MARCHF6: variants seen among roughly 807,000 people sequenced by gnomAD.
The protein encoded by MARCHF6 is membrane associated ring-CH-type finger 6.
In MARCHF6, 31 loss-of-function variants were observed where a neutral mutation model predicts 133.7. That is an observed-to-expected ratio of 0.23 (90% CI 0.17 to 0.31). The LOEUF (loss-of-function observed/expected upper bound fraction) is 0.31. Among genes scored for constraint, MARCHF6 ranks in the 10% least tolerant of loss-of-function variants. The pLI is 1.00. For synonymous variants in MARCHF6, 395 were observed against 402.5 expected, an observed-to-expected ratio of 0.98 and a Z score of 0.22; for missense variants, 723 against 1,121.6, an observed-to-expected ratio of 0.64 and a Z score of 5.08.
chr5:10,377,194 T>A (rs1215578245), intron 1 of MARCHF6, among the ~76,000 whole-genome samples: 3 of 152,110 alleles, frequency 2.0e-5, no homozygotes, highest in African/African-American at 7.2e-5. Flanking sequence ...TCCCTTCTGC[T>A]TAAGGTGGCT....
chr5:10,417,880 A>G lies in MARCHF6; in HGVS notation c.2283+476A>G, dbSNP rs183596394. Among the ~76,000 whole-genome samples, 237 of 152,226 alleles carry G rather than the reference A, an allele frequency of 1.6e-3. 2 individuals carry two copies. The highest frequency in any genetic ancestry group is 5.4e-3 in the African/African-American group (224 of 41,550). ...TAATCTTTCAGAATATGCAGGTCTTATAACTCCTTTAAAAGTGCTTACTTT... is the reference window on the plus strand; with the variant it reads ...TAATCTTTCAGAATATGCAGGTCTTGTAACTCCTTTAAAAGTGCTTACTTT... On this transcript the variant is annotated intron_variant, in intron 22 of 25. Transcript: ENST00000274140.
chr5:10,394,813 T>G (rs754818333), intron 9 of MARCHF6, 28 bp downstream of exon 9: 2 of 1,486,608 alleles, frequency 1.3e-6, no homozygotes, highest in Non-Finnish European at 1.8e-6. Flanking sequence ...TTTTTTTTTT[T>G]TTTTGAGACG....
chr5:10,426,744 A>C (rs1280752846), intron 24 of MARCHF6, among the ~76,000 whole-genome samples: 1 of 152,260 alleles, frequency 6.6e-6, no homozygotes, highest in Non-Finnish European at 1.5e-5. Flanking sequence ...CTCTACCAGA[A>C]GATAAAACTT....
chr5:10,387,092 T>A, intron 5 of MARCHF6, 26 bp downstream of exon 5: 3 of 1,526,244 alleles, frequency 2.0e-6, no homozygotes, highest in Non-Finnish European at 2.7e-6. Context: ...CTGTGACGAA[T>A]GTTGCATGAT....
At position 10,354,940 on chromosome 5, in the gene MARCHF6, AT is replaced by A. The variant is rs112088802; in HGVS notation, c.19+1032del. 8.4e-3 allele frequency among the ~76,000 whole-genome samples: 1,278 copies of A among 151,742 alleles called. 16 individuals are homozygous for A. The highest frequency in any genetic ancestry group is 0.029 in the African/African-American group (1,219 of 41,354). On this transcript the variant is annotated intron_variant, in intron 1 of 25. Transcript: ENST00000274140. ...CTATGTAATGAGTTGATAACGACTTATTTTTTTTTAAAGAAGTCTTGCCTTT... is the reference window on the plus strand; with the variant it reads ...CTATGTAATGAGTTGATAACGACTTATTTTTTTTAAAGAAGTCTTGCCTTT...
intron 24 of MARCHF6, 67 bp downstream of exon 24, chr5:10,426,589 CT>C: frequency 1.3e-6 from 2 of 1,528,668 alleles, no homozygotes; most frequent in South Asian, 2.4e-5. Context: ...CTCTTTACCC[CT>C]AGTAAAAAGG....
chr5:10,426,376 T>C lies in MARCHF6; in HGVS notation c.2374-14T>C. On this transcript the variant is annotated splice_polypyrimidine_tract_variant and intron_variant, in intron 23 of 25. Transcript: ENST00000274140. Reference sequence around the variant, plus strand: ...CTTGTATCTTTGTTCTAATTGCTTTTTGTAATGTTTCAGGTTTACGCAAAT... The same window carrying C: ...CTTGTATCTTTGTTCTAATTGCTTTCTGTAATGTTTCAGGTTTACGCAAAT... 1 of 1,612,156 alleles carries C rather than the reference T, an allele frequency of 6.2e-7. No individual in the cohort carries two copies. The highest frequency in any genetic ancestry group is 1.3e-5 in the African/African-American group (1 of 74,936).
chr5:10,376,324 C>T (rs761619829), intron 1 of MARCHF6, among the ~76,000 whole-genome samples: 13 of 152,244 alleles, frequency 8.5e-5, no homozygotes, highest in Middle Eastern at 3.4e-3. Flanking sequence ...AGCTGTAACA[C>T]TCACCGCGAG....
chr5:10,415,061 A>C (rs946896601), intron 20 of MARCHF6, among the ~76,000 whole-genome samples: 1 of 152,262 alleles, frequency 6.6e-6, no homozygotes, highest in African/African-American at 2.4e-5. Context: ...ATTGGAAGAT[A>C]GTTACTCTAA....
At position 10,426,444 on chromosome 5, in the gene MARCHF6, G is replaced by A. The variant is rs745834402; in HGVS notation, c.2428G>A (p.Ala810Thr). 2.5e-6 allele frequency: 4 copies of A among 1,614,132 alleles called. No homozygotes were observed. Among genetic ancestry groups the A allele is most frequent in the Non-Finnish European group, 8.5e-7 (1 of 1,180,018 alleles). ...IDLHYIVRKL[A>T]APVISVLLLS... Reference sequence around the variant, plus strand: ...CCTTCACTATATTGTTCGTAAACTGGCAGCTCCCGTGATCTCTGTGCTGTT... The same window carrying A: ...CCTTCACTATATTGTTCGTAAACTGACAGCTCCCGTGATCTCTGTGCTGTT... The change falls in exon 24 of 26, where the codon GCA becomes ACA. Residue 810 changes from alanine to threonine, a missense_variant. Physicochemically the swap from Ala to Thr is moderately conservative, Grantham distance 58. Transcript: ENST00000274140.
At chr5:10,384,738 A>G (rs764113309) in intron 4 of MARCHF6, among the ~76,000 whole-genome samples, 25 of 152,228 alleles carry the variant, frequency 1.6e-4, no homozygotes, top group Non-Finnish European at 3.1e-4. Context: ...GAACACGTAT[A>G]CAGTGATCAA....
intron 16 of MARCHF6, among the ~76,000 whole-genome samples, chr5:10,406,393 CTTTT>C (rs879432928): frequency 7.0e-6 from 1 of 142,170 alleles, no homozygotes. Flanking sequence ...TAATTTCTTT[CTTTT>C]TTTTTTTTTT....
chr5:10,364,619 C>T (rs1736021572), intron 1 of MARCHF6, among the ~76,000 whole-genome samples: 2 of 152,172 alleles, frequency 1.3e-5, no homozygotes, highest in South Asian at 2.1e-4. Flanking sequence ...TAGCTCATTA[C>T]TGCTGAAATT....
chr5:10,406,348 TC>T (rs1738886972), intron 16 of MARCHF6, among the ~76,000 whole-genome samples: 1 of 152,082 alleles, frequency 6.6e-6, no homozygotes, highest in African/African-American at 2.4e-5. Flanking sequence ...TGTCAAAGTT[TC>T]CCCACCCAGA....
chr5:10,371,819 G>A (rs1023114032), intron 1 of MARCHF6, among the ~76,000 whole-genome samples: 1 of 151,990 alleles, frequency 6.6e-6, no homozygotes, highest in Non-Finnish European at 1.5e-5. Flanking sequence ...AAAGTTTCTA[G>A]TACATTATAC....
rs753629737 is a variant in MARCHF6, at chr5:10,391,568, A to G, written c.603A>G (p.Glu201=). The part of the protein sequence containing the change: ...NEAPAGGNGA[E]NVAADQPANP... ...CTCCAGCAGGAGGAAATGGTGCAGAAAATGTTGCTGCTGATCAGCCTGCTA... is the reference window on the plus strand; with the variant it reads ...CTCCAGCAGGAGGAAATGGTGCAGAGAATGTTGCTGCTGATCAGCCTGCTA... Residue 201 remains glutamate (E), a synonymous_variant, in exon 7 of 26, where the codon GAA becomes GAG. Coordinates refer to ENST00000274140, the MANE Select transcript of MARCHF6 (RefSeq NM_005885.4). 3 of 1,612,050 alleles carry G rather than the reference A, an allele frequency of 1.9e-6. No homozygotes were observed. Among genetic ancestry groups the G allele is most frequent in the Non-Finnish European group, 2.5e-6 (3 of 1,179,218 alleles).
intron 1 of MARCHF6, among the ~76,000 whole-genome samples, chr5:10,374,440 T>C (rs1736650428): frequency 6.6e-6 from 1 of 152,174 alleles, no homozygotes; most frequent in African/African-American, 2.4e-5. Context: ...GGAGCTGAAG[T>C]GTGCACTTGA....
chr5:10,396,924 A>G (rs996008804), intron 9 of MARCHF6, among the ~76,000 whole-genome samples: 1 of 152,246 alleles, frequency 6.6e-6, no homozygotes, highest in Non-Finnish European at 1.5e-5. Flanking sequence ...CATGATGTTT[A>G]CAATTAATTT....
intron 3 of MARCHF6, among the ~76,000 whole-genome samples, chr5:10,379,522 G>A (rs917094699): frequency 2.0e-5 from 3 of 151,510 alleles, no homozygotes; most frequent in Non-Finnish European, 4.4e-5. Flanking sequence ...GGGCAATGGC[G>A]TGATTTCAGC....
Sources: gnomAD v4.1 joint callset for allele counts (sites outside exome capture counted in the v4.1 genomes callset) on GRCh38, gnomAD v4.1.1 for gene constraint, MANE v1.5 for transcripts, NCBI Gene and HGNC (gene_info 2026-07-23, HGNC 2026-07-21) for gene names.